The following SAMD4A variants were observed in gnomAD, a reference collection of about 807,000 sequenced individuals.
SAMD4A encodes sterile alpha motif domain containing 4A.
In SAMD4A, 33 loss-of-function variants were observed where a neutral mutation model predicts 81.3. The observed-to-expected ratio is 0.41, with a 90% confidence interval of 0.31 to 0.54. The LOEUF is 0.54. Ranked by LOEUF, SAMD4A falls within the 20% of genes least tolerant of loss-of-function variation. SAMD4A has a pLI of 0.37. For synonymous variants in SAMD4A, 389 were observed against 382.1 expected, an observed-to-expected ratio of 1.02 and a Z score of -0.21; for missense variants, 854 against 951.1, an observed-to-expected ratio of 0.90 and a Z score of 1.34.
chr14:54,728,874 C>T (rs1024605891), intron 3 of SAMD4A, among the ~76,000 whole-genome samples: 3 of 152,198 alleles, frequency 2.0e-5, no homozygotes, highest in Non-Finnish European at 4.4e-5. Context: ...ATTTAGGCAT[C>T]CTCTGATGAT....
At chr14:54,769,904 A>C (rs1270264326) in intron 8 of SAMD4A, among the ~76,000 whole-genome samples, 200 bp from the exon 9 acceptor site, 1 of 152,214 alleles carries the variant, frequency 6.6e-6, no homozygotes, top group Non-Finnish European at 1.5e-5. Flanking sequence ...GTACCTTATC[A>C]CGCACCTCCA....
chr14:54,632,245 G>A (rs1443219127), intron 2 of SAMD4A, among the ~76,000 whole-genome samples: 3 of 152,138 alleles, frequency 2.0e-5, no homozygotes, highest in Admixed American at 2.0e-4. Flanking sequence ...CGATTATACG[G>A]TAATGATTTG....
chr14:54,578,486 G>A (rs932241267), intron 2 of SAMD4A, among the ~76,000 whole-genome samples: 16 of 151,972 alleles, frequency 1.1e-4, no homozygotes, highest in African/African-American at 2.7e-4. Flanking sequence ...TGAAGCGGGC[G>A]GATCACTTGA....
At chr14:54,641,413 A>T (rs555821341) in intron 2 of SAMD4A, among the ~76,000 whole-genome samples, 1 of 152,300 alleles carries the variant, frequency 6.6e-6, no homozygotes, top group East Asian at 1.9e-4. Flanking sequence ...AACTCATTTA[A>T]TGTGATGCCA....
chr14:54,641,794 ATTG>A (rs935260563), intron 2 of SAMD4A, among the ~76,000 whole-genome samples: 3 of 151,944 alleles, frequency 2.0e-5, no homozygotes, highest in East Asian at 3.9e-4. Context: ...CAGTAAGTTT[ATTG>A]TTGTTGTTGT....
intron 3 of SAMD4A, among the ~76,000 whole-genome samples, chr14:54,721,394 A>G (rs2037258895): frequency 6.6e-6 from 1 of 152,192 alleles, no homozygotes; most frequent in Admixed American, 6.5e-5. Context: ...TAGATAATGA[A>G]ACCAAACTTT....
chr14:54,592,049 C>G (rs889780748), intron 2 of SAMD4A, among the ~76,000 whole-genome samples: 5 of 152,096 alleles, frequency 3.3e-5, no homozygotes, highest in Admixed American at 1.3e-4. Flanking sequence ...AAAGCTCCCC[C>G]CTCTTCCCCC....
intron 2 of SAMD4A, among the ~76,000 whole-genome samples, chr14:54,655,997 A>G (rs2035511231): frequency 6.6e-6 from 1 of 152,218 alleles, no homozygotes; most frequent in Non-Finnish European, 1.5e-5. Flanking sequence ...AGTGCTTAAA[A>G]TAGTGTTTGG....
chr14:54,642,045 G>A (rs1038344053), intron 2 of SAMD4A, among the ~76,000 whole-genome samples: 6 of 152,102 alleles, frequency 3.9e-5, no homozygotes, highest in African/African-American at 7.2e-5. Flanking sequence ...TGATCCACCC[G>A]TCTCGGCCTC....
At chr14:54,783,810 G>A (rs2039064236) in intron 11 of SAMD4A, among the ~76,000 whole-genome samples, 2 of 152,200 alleles carry the variant, frequency 1.3e-5, no homozygotes, top group African/African-American at 4.8e-5. Flanking sequence ...ACTAAGAGGT[G>A]CGTGCTGGGC....
chr14:54,625,962 G>A (rs17127681), intron 2 of SAMD4A, among the ~76,000 whole-genome samples: 19,740 of 151,862 alleles, frequency 0.13, 1,426 homozygotes, highest in Middle Eastern at 0.21. Context: ...GCTCCTGACC[G>A]AGGCTTGGTG....
intron 2 of SAMD4A, among the ~76,000 whole-genome samples, chr14:54,573,103 A>G (rs564504036): frequency 6.6e-6 from 1 of 152,356 alleles, no homozygotes; most frequent in South Asian, 2.1e-4. Context: ...GGGGCTTTAT[A>G]TATGAAGCAC....
chr14:54,755,213 G>T (rs1038912008), intron 6 of SAMD4A, among the ~76,000 whole-genome samples: 1 of 152,160 alleles, frequency 6.6e-6, no homozygotes, highest in African/African-American at 2.4e-5. Context: ...ACGAGGCTTG[G>T]GTTTGAGTGT....
chr14:54,582,429 G>A (rs1297075994), intron 2 of SAMD4A, among the ~76,000 whole-genome samples: 2 of 152,082 alleles, frequency 1.3e-5, no homozygotes, highest in African/African-American at 4.8e-5. Flanking sequence ...ATGTTTGTGC[G>A]AGGACAAAGA....
At chr14:54,746,926 A>G (rs1281573975) in intron 4 of SAMD4A, among the ~76,000 whole-genome samples, 1 of 152,256 alleles carries the variant, frequency 6.6e-6, no homozygotes, top group Non-Finnish European at 1.5e-5. Context: ...AGTTAAAATC[A>G]GTGCCGCTCA....
intron 5 of SAMD4A, among the ~76,000 whole-genome samples, chr14:54,750,643 C>T (rs2038079948): frequency 6.6e-6 from 1 of 152,130 alleles, no homozygotes; most frequent in East Asian, 1.9e-4. Context: ...TAACAAATTC[C>T]CCATGTTTTA....
At chr14:54,650,656 G>A (rs1009154919) in intron 2 of SAMD4A, among the ~76,000 whole-genome samples, 1 of 152,166 alleles carries the variant, frequency 6.6e-6, no homozygotes, top group African/African-American at 2.4e-5. Context: ...GTCACTGCTA[G>A]ACCAGTTCCA....
intron 2 of SAMD4A, among the ~76,000 whole-genome samples, chr14:54,573,631 T>A (rs2033199482): frequency 6.6e-6 from 1 of 152,252 alleles, no homozygotes; most frequent in African/African-American, 2.4e-5. Flanking sequence ...GATTTTAGTA[T>A]GTTCCTTCCT....
chr14:54,673,537 G>A (rs1160450777), intron 2 of SAMD4A, among the ~76,000 whole-genome samples: 1 of 152,228 alleles, frequency 6.6e-6, no homozygotes, highest in African/African-American at 2.4e-5. Context: ...AATTTGGACT[G>A]GTTTCATTTA....
Sources: allele counts gnomAD v4.1 joint callset (sites outside exome capture counted in the v4.1 genomes callset), GRCh38; gene constraint gnomAD v4.1.1; transcripts MANE v1.5; gene names NCBI Gene and HGNC (gene_info 2026-07-23, HGNC 2026-07-21).